TYR: variants seen among roughly 807,000 people sequenced by gnomAD.
TYR encodes tyrosinase, also known as LB24-AB.
In TYR, 58 loss-of-function variants were observed where a neutral mutation model predicts 51.5. That is an observed-to-expected ratio of 1.13 (90% confidence interval 0.91 to 1.40). The LOEUF (loss-of-function observed/expected upper bound fraction) is 1.40. Ranked by LOEUF, TYR falls within the 40% of genes most tolerant of loss-of-function variation. TYR has a pLI of 0.00. For missense variants in TYR, 732 were observed against 647.4 expected, an observed-to-expected ratio of 1.13 and a Z score of -1.42; for synonymous variants, 263 against 235.2, an observed-to-expected ratio of 1.12 and a Z score of -1.08.
intron 1 of TYR, among the ~76,000 whole-genome samples, chr11:89,187,468 T>A (rs1943389106): frequency 2.0e-5 from 3 of 152,152 alleles, no homozygotes; most frequent in South Asian, 2.1e-4. Flanking sequence ...TTGGATTTTA[T>A]AATATGGAGT....
chr11:89,261,543 AC>A (rs1415767797), intron 3 of TYR, among the ~76,000 whole-genome samples: 3 of 152,178 alleles, frequency 2.0e-5, no homozygotes. Flanking sequence ...GCACTTATCA[AC>A]AAAGCCACAC....
chr11:89,201,913 G>A (rs973041115), intron 2 of TYR, among the ~76,000 whole-genome samples: 2 of 152,060 alleles, frequency 1.3e-5, no homozygotes, highest in African/African-American at 4.8e-5. Context: ...TTTTCAGGAT[G>A]AAATGTCAAA....
intron 2 of TYR, among the ~76,000 whole-genome samples, chr11:89,222,035 T>C (rs1269020977): frequency 1.3e-5 from 2 of 152,188 alleles, no homozygotes; most frequent in Admixed American, 6.5e-5. Context: ...ATTTCTTAAA[T>C]CATAATTTTC....
At chr11:89,285,239 T>A (rs1385198706) in intron 4 of TYR, among the ~76,000 whole-genome samples, 1 of 151,758 alleles carries the variant, frequency 6.6e-6, no homozygotes, top group Non-Finnish European at 1.5e-5. Context: ...GACATGACTC[T>A]ATCAACTGAC....
intron 2 of TYR, among the ~76,000 whole-genome samples, chr11:89,220,045 A>C (rs1943886933): frequency 6.6e-6 from 1 of 152,188 alleles, no homozygotes; most frequent in Non-Finnish European, 1.5e-5. Context: ...CAAAGCTTGG[A>C]AGTTTGGCAG....
chr11:89,180,945 A>C (rs2135244440), intron 1 of TYR, among the ~76,000 whole-genome samples: 1 of 152,270 alleles, frequency 6.6e-6, no homozygotes, highest in Non-Finnish European at 1.5e-5. Context: ...AGCTTCCAAA[A>C]AACCATTTAA....
At chr11:89,287,527 G>C (rs1203350794) in intron 4 of TYR, among the ~76,000 whole-genome samples, 1 of 151,798 alleles carries the variant, frequency 6.6e-6, no homozygotes, top group Non-Finnish European at 1.5e-5. Flanking sequence ...CCATGGAAGA[G>C]AAAGATCTTA....
Position 89,178,341 on chromosome 11 carries a change from GAGA to G in TYR, c.391_393del (p.Lys131del), listed in dbSNP as rs1413017181. 3.1e-6 allele frequency: 5 copies of G among 1,614,078 alleles called. No homozygotes were observed. In the African/African-American group the frequency reaches 4.0e-5, roughly 13 times the overall value. On this transcript the variant is annotated inframe_deletion, in exon 1 of 5. Transcript: ENST00000263321. ...AAACATCTTCGATTTGAGTGCCCCA[GAGA>G]AGGACAAATTTTTTGCCTACCTCAC... is the stretch of plus-strand genomic sequence containing the variant.
At position 89,238,610 on chromosome 11, in the gene TYR, A is replaced by G. The variant is rs1292433452; in HGVS notation, c.1184+10640A>G. ...TTCTTAGCTAATTGCTCTAGCTAGG[A>G]CTTACAGTATTTGTTGATTAGTCAT... is the stretch of plus-strand genomic sequence containing the variant. On this transcript the variant is annotated intron_variant, in intron 3 of 4. Coordinates refer to ENST00000263321, the MANE Select transcript of TYR (RefSeq NM_000372.5). 2.0e-5 allele frequency among the ~76,000 whole-genome samples: 3 copies of G among 152,078 alleles called. No individual in the cohort carries two copies. In the East Asian group the frequency reaches 5.8e-4, roughly 29 times the overall value.
intron 3 of TYR, among the ~76,000 whole-genome samples, chr11:89,250,315 A>G (rs2135298819): frequency 6.6e-6 from 1 of 152,028 alleles, no homozygotes; most frequent in East Asian, 1.9e-4. Context: ...TTAAAGTCTG[A>G]AGGCGGAGGC....
chr11:89,224,622 T>C (rs969409892), intron 2 of TYR, among the ~76,000 whole-genome samples: 3 of 152,196 alleles, frequency 2.0e-5, no homozygotes, highest in African/African-American at 7.2e-5. Flanking sequence ...CTCCTGAAGA[T>C]TCTCCTTCAC....
rs544976603 is a variant in TYR at position 89,201,811 on chromosome 11, T to A, written c.1036+10393T>A. Among the ~76,000 whole-genome samples the A allele has an allele frequency of 6.6e-5, 10 of 152,312 alleles. No individual in the cohort carries two copies. The South Asian group carries it at 2.1e-3, about 32-fold the overall frequency. ...AAGGGGTCTGTTGGCCCCATTTTGTTAAGCAATAAAATATTGGGATTGTAG... is the reference window on the plus strand; with the variant it reads ...AAGGGGTCTGTTGGCCCCATTTTGTAAAGCAATAAAATATTGGGATTGTAG... On this transcript the variant is annotated intron_variant, in intron 2 of 4. Coordinates refer to ENST00000263321, the MANE Select transcript of TYR (RefSeq NM_000372.5).
intron 2 of TYR, among the ~76,000 whole-genome samples, chr11:89,222,796 T>C (rs79203415): frequency 0.025 from 3,830 of 152,234 alleles, 173 homozygotes; most frequent in African/African-American, 0.088. Flanking sequence ...TAATTTCCTA[T>C]AGGAATGTAG....
intron 4 of TYR, among the ~76,000 whole-genome samples, chr11:89,288,463 A>G (rs1944818829): frequency 6.6e-6 from 1 of 151,954 alleles, no homozygotes; most frequent in African/African-American, 2.4e-5. Flanking sequence ...TTTTTACTAC[A>G]AAGGCAACAA....
chr11:89,271,095 G>A (rs1944583240), intron 3 of TYR, among the ~76,000 whole-genome samples: 1 of 151,506 alleles, frequency 6.6e-6, no homozygotes, highest in Non-Finnish European at 1.5e-5. Context: ...GAACCCCTAT[G>A]GAAGAAAAAT....
At chr11:89,262,254 TC>T (rs959014330) in intron 3 of TYR, among the ~76,000 whole-genome samples, 1 of 152,056 alleles carries the variant, frequency 6.6e-6, no homozygotes, top group Non-Finnish European at 1.5e-5. Flanking sequence ...AGACAGGGTT[TC>T]ACCATGTTGG....
chr11:89,269,501 C>G (rs550784753), intron 3 of TYR, among the ~76,000 whole-genome samples: 22 of 151,928 alleles, frequency 1.4e-4, no homozygotes, highest in African/African-American at 5.3e-4. Context: ...CCGAAACTGC[C>G]TTTCTTTCTT....
At chr11:89,220,221 T>C (rs1943890095) in intron 2 of TYR, among the ~76,000 whole-genome samples, 1 of 152,106 alleles carries the variant, frequency 6.6e-6, no homozygotes, top group Non-Finnish European at 1.5e-5. Context: ...GCCTGGCTTC[T>C]GGGGAGGCTG....
chr11:89,231,433 T>G (rs935167908), intron 3 of TYR, among the ~76,000 whole-genome samples: 1 of 143,166 alleles, frequency 7.0e-6, no homozygotes, highest in Non-Finnish European at 1.5e-5. Flanking sequence ...AAATGTGGTA[T>G]ATATACACAA....
Sources: allele counts gnomAD v4.1 joint callset (sites outside exome capture counted in the v4.1 genomes callset), GRCh38; gene constraint gnomAD v4.1.1; transcripts MANE v1.5; gene names NCBI Gene and HGNC (gene_info 2026-07-23, HGNC 2026-07-21).